Variants in SMC5 observed in about 807,000 individuals in gnomAD.
SMC5 encodes structural maintenance of chromosomes 5.
SMC5 carries 88 observed loss-of-function variants against 148.3 expected under a neutral mutation model. That is an observed-to-expected ratio of 0.59 (90% confidence interval 0.50 to 0.71). SMC5 has a LOEUF of 0.71. Ranked by LOEUF, SMC5 falls within the 30% of genes least tolerant of loss-of-function variation. The pLI is 0.00. For missense variants in SMC5, 1,142 were observed against 1,298.9 expected, an observed-to-expected ratio of 0.88 and a Z score of 1.86; for synonymous variants, 421 against 432.8, an observed-to-expected ratio of 0.97 and a Z score of 0.34.
chr9:70,342,223 A>T (rs1338479955), intron 17 of SMC5, among the ~76,000 whole-genome samples: 1 of 125,966 alleles, frequency 7.9e-6, no homozygotes, highest in Non-Finnish European at 1.6e-5. Context: ...GGAACATCAC[A>T]GTCTGGGGAC....
intron 8 of SMC5, among the ~76,000 whole-genome samples, chr9:70,291,118 A>G (rs2035047558): frequency 6.9e-6 from 1 of 144,500 alleles, no homozygotes; most frequent in Non-Finnish European, 1.5e-5. Context: ...TTGTTTGTTT[A>G]GTGACTTTCC....
intron 1 of SMC5, among the ~76,000 whole-genome samples, chr9:70,261,622 T>C (rs1244061651): frequency 2.0e-5 from 3 of 152,186 alleles, no homozygotes; most frequent in Admixed American, 1.3e-4. Flanking sequence ...GAGGAAAATA[T>C]GAACAGATGA....
chr9:70,299,553 G>A (rs2035302063), intron 9 of SMC5, among the ~76,000 whole-genome samples: 1 of 151,576 alleles, frequency 6.6e-6, no homozygotes, highest in African/African-American at 2.4e-5. Flanking sequence ...CTTACATCAC[G>A]CCCTTATTTT....
chr9:70,267,160 A>G (rs1204596229), intron 2 of SMC5, among the ~76,000 whole-genome samples: 3 of 152,098 alleles, frequency 2.0e-5, no homozygotes, highest in Non-Finnish European at 4.4e-5. Context: ...GCACAACAGT[A>G]TATAGTAAAT....
chr9:70,273,099 A>G (rs2034495277), intron 3 of SMC5, among the ~76,000 whole-genome samples: 1 of 152,036 alleles, frequency 6.6e-6, no homozygotes, highest in South Asian at 2.1e-4. Context: ...TGTTTGTGAA[A>G]GATATTTGTA....
chr9:70,276,771 C>T (rs1173739193), intron 3 of SMC5, among the ~76,000 whole-genome samples: 3 of 152,036 alleles, frequency 2.0e-5, no homozygotes, highest in Admixed American at 2.0e-4. Context: ...GCTAAATGTT[C>T]CTTTATATCC....
intron 14 of SMC5, 51 bp downstream of exon 14, chr9:70,318,738 A>G (rs2035872347): frequency 3.8e-6 from 6 of 1,558,802 alleles, no homozygotes; most frequent in Non-Finnish European, 5.2e-6. Flanking sequence ...TGGATTTCTA[A>G]TAGTTTCACT....
intron 13 of SMC5, 37 bp downstream of exon 13, chr9:70,315,615 CA>C: frequency 1.4e-6 from 2 of 1,425,458 alleles, no homozygotes; most frequent in East Asian, 2.6e-5. Flanking sequence ...AATCATGTAC[CA>C]AAAATGTAGT....
At chr9:70,331,243 T>A (rs1321585666) in intron 17 of SMC5, among the ~76,000 whole-genome samples, 1 of 152,224 alleles carries the variant, frequency 6.6e-6, no homozygotes, top group African/African-American at 2.4e-5. Context: ...TAGCCACATG[T>A]GACTGGTTTC....
chr9:70,301,106 CAAG>C (rs2035346920), intron 10 of SMC5, among the ~76,000 whole-genome samples: 1 of 151,954 alleles, frequency 6.6e-6, no homozygotes, highest in African/African-American at 2.4e-5. Flanking sequence ...TTTGCTAGAT[CAAG>C]AAGAGAATTT....
chr9:70,315,573 G>T lies in SMC5; in HGVS notation c.1801G>T (p.Glu601Ter). ...AACTGAAAAGACCAGAGAAAGAATT[G>T]AACGGGTAGGAAAGTAGTGAATCAT... ...VGTEKTRERI[E>*]RVIQETRLKQ... The change falls in exon 13 of 25, where the codon GAA (glutamate) becomes TAA (stop). Residue 601 changes from glutamate (E) to a stop codon, truncating the protein, a stop_gained. Coordinates refer to ENST00000361138, the MANE Select transcript of SMC5 (RefSeq NM_015110.4). LOFTEE classifies it high-confidence loss of function. The T allele has an allele frequency of 6.4e-7, 1 of 1,572,002 alleles. No homozygotes were observed.
chr9:70,352,125 T>C, intron 24 of SMC5, 66 bp from the exon 25 acceptor site: 2 of 1,376,718 alleles, frequency 1.5e-6, no homozygotes, highest in South Asian at 1.4e-5. Flanking sequence ...ACTGTACACA[T>C]GTAAGGTTGG....
chr9:70,337,734 G>A (rs1316748137), intron 17 of SMC5, among the ~76,000 whole-genome samples: 4 of 152,056 alleles, frequency 2.6e-5, no homozygotes, highest in South Asian at 2.1e-4. Context: ...AGGATTACAG[G>A]TGTGAGCCAC....
At chr9:70,314,605 T>C (rs1179731743) in intron 11 of SMC5, 137 bp from the exon 12 acceptor site, 1 of 413,276 alleles carries the variant, frequency 2.4e-6, no homozygotes, top group African/African-American at 2.1e-5. Context: ...AAAAAATTTA[T>C]ACTAAGTAAC....
chr9:70,271,003 G>A (rs544036566), intron 3 of SMC5, among the ~76,000 whole-genome samples: 11 of 152,214 alleles, frequency 7.2e-5, no homozygotes, highest in Middle Eastern at 3.4e-3. Context: ...GGGACCAGAA[G>A]TGTTTTGGAT....
At chr9:70,306,765 T>G (rs2035510482) in intron 11 of SMC5, among the ~76,000 whole-genome samples, 1 of 152,260 alleles carries the variant, frequency 6.6e-6, no homozygotes. Context: ...TTCTTTTTTC[T>G]TGTGTTGTAA....
intron 17 of SMC5, among the ~76,000 whole-genome samples, chr9:70,336,020 G>A (rs376381056): frequency 3.3e-5 from 5 of 152,036 alleles, no homozygotes; most frequent in African/African-American, 7.2e-5. Flanking sequence ...ACCTGTTCAC[G>A]TATTCAGAGT....
At chr9:70,330,332 C>G (rs942212880) in intron 17 of SMC5, among the ~76,000 whole-genome samples, 1 of 152,008 alleles carries the variant, frequency 6.6e-6, no homozygotes, top group Non-Finnish European at 1.5e-5. Flanking sequence ...AAAAATGTCT[C>G]CAGACATTTG....
At chr9:70,335,332 T>G (rs1256197347) in intron 17 of SMC5, among the ~76,000 whole-genome samples, 2 of 152,014 alleles carry the variant, frequency 1.3e-5, no homozygotes, top group African/African-American at 4.8e-5. Flanking sequence ...TACAAAAAGT[T>G]AAAAATTTGC....
Sources: gnomAD v4.1 joint callset for allele counts (sites outside exome capture counted in the v4.1 genomes callset) on GRCh38, gnomAD v4.1.1 for gene constraint, MANE v1.5 for transcripts, NCBI Gene and HGNC (gene_info 2026-07-23, HGNC 2026-07-21) for gene names.